GTPBP4: variants seen among roughly 807,000 people sequenced by gnomAD.
The protein encoded by GTPBP4 is GTP binding protein 4, also known as GTP-binding protein 4.
GTPBP4 carries 15 observed loss-of-function variants against 81.7 expected under a neutral mutation model. The ratio of observed to expected loss-of-function variants is 0.18; its 90% confidence interval spans 0.12 to 0.28. The LOEUF is 0.28. Ranked by LOEUF, GTPBP4 falls within the 10% of genes least tolerant of loss-of-function variation. GTPBP4 has a pLI of 1.00. For missense variants in GTPBP4, 847 were observed against 793.8 expected (o/e 1.07, Z -0.81); for synonymous variants, 272 against 274.6 (o/e 0.99, Z 0.09).
Position 1,014,304 on chromosome 10 carries a change from A to G in GTPBP4, c.1600A>G (p.Lys534Glu). ...MRSLGVDMDD[K>E]DDAHYAVQAR... ...TAGTCTTGGTGTTGACATGGACGAT[A>G]AAGACGATGTGAGTGTGGGGGCGGT... Residue 534 changes from lysine (K) to glutamate (E), a missense_variant, in exon 15 of 17, where the codon AAA becomes GAA. Physicochemically the swap from Lys to Glu is moderately conservative, Grantham distance 56. This residue lies in a region of GTPBP4 where 600 missense variants were observed against 557.1 expected (regional missense o/e 1.08). Coordinates refer to ENST00000360803, the MANE Select transcript of GTPBP4 (RefSeq NM_012341.3). 6.2e-7 allele frequency: 1 copy of G among 1,607,018 alleles called. No homozygotes were observed. The highest frequency in any genetic ancestry group is 8.5e-7 in the Non-Finnish European group (1 of 1,173,762).
intron 10 of GTPBP4, chr10:1,007,409 A>C: frequency 3.5e-6 from 1 of 283,052 alleles, no homozygotes; most frequent in South Asian, 5.8e-5. Flanking sequence ...AGTTCTTTAA[A>C]CACAGATGGA....
At chr10:1,015,447 G>T (rs7900518) in intron 15 of GTPBP4, among the ~76,000 whole-genome samples, 4,059 of 9,482 alleles carry the variant, frequency 0.43, 789 homozygotes, top group South Asian at 0.59. Context: ...GGTCCTGAGC[G>T]CTGAGCCTGG....
At chr10:992,695 T>A in intron 2 of GTPBP4, 36 bp downstream of exon 2, 2 of 1,341,440 alleles carry the variant, frequency 1.5e-6, no homozygotes, top group Non-Finnish European at 2.1e-6. Context: ...GTTATGTAAA[T>A]ACGGGCTTTC....
intron 1 of GTPBP4, among the ~76,000 whole-genome samples, chr10:991,730 C>G (rs1183741563): frequency 2.6e-5 from 3 of 114,706 alleles, no homozygotes; most frequent in African/African-American, 1.0e-4. Flanking sequence ...GAGTCTCGCT[C>G]TGTCGCCCAG....
intron 16 of GTPBP4, among the ~76,000 whole-genome samples, chr10:1,016,720 T>C (rs573203475): frequency 6.6e-6 from 1 of 152,368 alleles, no homozygotes; most frequent in South Asian, 2.1e-4. Context: ...ATGATTTTCA[T>C]CCAGTCTTTA....
At chr10:1,009,334 C>T (rs1321305797) in intron 11 of GTPBP4, among the ~76,000 whole-genome samples, 195 bp from the exon 12 acceptor site, 1 of 152,096 alleles carries the variant, frequency 6.6e-6, no homozygotes, top group African/African-American at 2.4e-5. Flanking sequence ...TAAGAAACAG[C>T]CTCTTCCTAC....
Position 997,250 on chromosome 10 carries a change from C to A in GTPBP4, c.503C>A (p.Thr168Asn). 6.2e-7 allele frequency: 1 copy of A among 1,609,890 alleles called. No individual in the cohort carries two copies. Among genetic ancestry groups the A allele is most frequent in the South Asian group, 1.1e-5 (1 of 90,966 alleles). ...LSRLPTIDPN[T>N]RTLLLCGYPN... ...CGTTTGCCAACCATTGATCCGAATA[C>A]CAGGACCCTGCTTTTGTGTGGGTAC... Residue 168 changes from threonine to asparagine, a missense_variant, in exon 5 of 17, where the codon ACC becomes AAC. Thr to Asn is a moderately conservative substitution (Grantham distance 65). This residue lies in a region of GTPBP4 where 241 missense variants were observed against 216.3 expected (regional missense o/e 1.11). Coordinates refer to ENST00000360803, the MANE Select transcript of GTPBP4 (RefSeq NM_012341.3).
intron 14 of GTPBP4, among the ~76,000 whole-genome samples, chr10:1,013,075 G>T (rs1056607002): frequency 6.6e-5 from 10 of 151,794 alleles, no homozygotes; most frequent in Admixed American, 1.3e-4. Context: ...CCTCCACCTC[G>T]CGGGTTCAAG....
intron 11 of GTPBP4, 112 bp from the exon 12 acceptor site, chr10:1,009,417 C>T: frequency 1.3e-6 from 1 of 789,952 alleles, no homozygotes; most frequent in Non-Finnish European, 2.3e-6. Context: ...AAGGTGAACC[C>T]CACTGATACT....
At chr10:994,985 T>G (rs1021010136) in intron 2 of GTPBP4, among the ~76,000 whole-genome samples, 1 of 151,690 alleles carries the variant, frequency 6.6e-6, no homozygotes, top group African/African-American at 2.4e-5. Context: ...GGGGAGAGGG[T>G]GTCAGGCCTG....
Position 1,000,638 on chromosome 10 carries a change from G to T in GTPBP4, c.655-39G>T, listed in dbSNP as rs776121267. 11 of 1,290,206 alleles carry T rather than the reference G, an allele frequency of 8.5e-6. No individual in the cohort carries two copies. The Admixed American group carries it at 3.0e-4, about 35-fold the overall frequency. The allele number at this position is 1,290,206 out of a possible 1,614,324, so 79.9% of individuals were successfully genotyped here. A position where few individuals can be genotyped will look rare whatever the true frequency, so the allele number is the denominator to read the frequency against. On this transcript the variant is annotated intron_variant, in intron 6 of 16. Coordinates refer to ENST00000360803, the MANE Select transcript of GTPBP4 (RefSeq NM_012341.3). Reference sequence around the variant, plus strand: ...GGATGTGCTGGACAAGAAGCTTGTGGGTGAGTGTGCTTTCAGTGACAAGGT... The same window carrying T: ...GGATGTGCTGGACAAGAAGCTTGTGTGTGAGTGTGCTTTCAGTGACAAGGT...
chr10:1,007,889 G>A lies in GTPBP4; in HGVS notation c.1113+761G>A, dbSNP rs548949344. On this transcript the variant is annotated intron_variant, in intron 10 of 16. Coordinates refer to ENST00000360803, the MANE Select transcript of GTPBP4 (RefSeq NM_012341.3). The stretch of plus-strand genomic sequence containing the variant: ...TTGTCTGCTTATTGGCCTTTTCAAA[G>A]TTCTTTAGGCTGTTTATCTTTTTCT... 12 of 516,950 alleles carry A rather than the reference G, an allele frequency of 2.3e-5. No homozygotes were observed. The East Asian group carries it at 5.5e-4, about 23-fold the overall frequency. 32.0% of individuals were successfully genotyped at this position (516,950 alleles called of 1,614,324 possible). A position where few individuals can be genotyped will look rare whatever the true frequency, so the allele number is the denominator to read the frequency against.
chr10:1,012,386 C>T (rs1315045064), intron 13 of GTPBP4, 79 bp from the exon 14 acceptor site: 2 of 962,634 alleles, frequency 2.1e-6, no homozygotes, highest in African/African-American at 1.7e-5. Flanking sequence ...ACAAAGCTCC[C>T]ATACACACTC....
intron 2 of GTPBP4, 65 bp downstream of exon 2, chr10:992,724 C>T: frequency 1.1e-6 from 1 of 938,212 alleles, no homozygotes; most frequent in South Asian, 1.5e-5. Context: ...AGTGTTTAAC[C>T]AGTTTGGTGT....
intron 13 of GTPBP4, among the ~76,000 whole-genome samples, chr10:1,011,466 T>TCCCCTCA (rs1455560208): frequency 6.7e-6 from 1 of 150,168 alleles, no homozygotes; most frequent in Non-Finnish European, 1.5e-5. Flanking sequence ...TCCTGCCTTC[T>TCCCCTCA]GCTCTCAGCT....
rs1325848843 is a variant in GTPBP4 at position 997,192 on chromosome 10, T to G, written c.461-16T>G. 1.4e-6 allele frequency: 2 copies of G among 1,414,038 alleles called. No homozygotes were observed. Among genetic ancestry groups the G allele is most frequent in the Non-Finnish European group, 2.0e-6 (2 of 1,005,600 alleles). The allele number at this position is 1,414,038 out of a possible 1,614,324, so 87.6% of individuals were successfully genotyped here. ...AACTTTGAATTTCTTAATTTTTCAATTTGAACTTTTCCTAGTGCGTCAGCA... is the reference window on the plus strand; with the variant it reads ...AACTTTGAATTTCTTAATTTTTCAAGTTGAACTTTTCCTAGTGCGTCAGCA... On this transcript the variant is annotated splice_polypyrimidine_tract_variant and intron_variant, in intron 4 of 16. Transcript: ENST00000360803.
chr10:1,014,444 CAG>C (rs1218688644), intron 15 of GTPBP4, 132 bp downstream of exon 15: 2 of 616,520 alleles, frequency 3.2e-6, no homozygotes, highest in Non-Finnish European at 6.0e-6. Context: ...ATCATGATGT[CAG>C]GGGTTCGAGA....
intron 4 of GTPBP4, chr10:996,600 G>A (rs540766042): frequency 1.8e-4 from 30 of 166,250 alleles, no homozygotes; most frequent in South Asian, 5.8e-4. Context: ...TAATGTACTA[G>A]GATTCTGTTG....
At position 1,003,874 on chromosome 10, in the gene GTPBP4, A is replaced by G. The variant is rs114360167; in HGVS notation, c.913-1944A>G. 4.9e-3 allele frequency among the ~76,000 whole-genome samples: 751 copies of G among 152,246 alleles called. 6 individuals are homozygous for G. The highest frequency in any genetic ancestry group is 0.017 in the African/African-American group (709 of 41,532). Reference sequence around the variant, plus strand: ...GCTGCCACAGTGCTGGGTTTCAGCTACAGGTACTCAGGGTAGCTGTGGGAC... The same window carrying G: ...GCTGCCACAGTGCTGGGTTTCAGCTGCAGGTACTCAGGGTAGCTGTGGGAC... On this transcript the variant is annotated intron_variant, in intron 8 of 16. Coordinates refer to ENST00000360803, the MANE Select transcript of GTPBP4 (RefSeq NM_012341.3).
Sources: gnomAD v4.1 joint callset for allele counts (sites outside exome capture counted in the v4.1 genomes callset) on GRCh38, gnomAD v4.1.1 for gene constraint, gnomAD v4.1.1 regional missense constraint, MANE v1.5 for transcripts, NCBI Gene and HGNC (gene_info 2026-07-23, HGNC 2026-07-21) for gene names.